The following CPNE7 variants were observed in gnomAD, a reference collection of about 807,000 sequenced individuals.
CPNE7 encodes copine-7.
CPNE7 carries 78 observed loss-of-function variants against 66.5 expected under a neutral mutation model. That is an observed-to-expected ratio of 1.17 (90% CI 0.98 to 1.42). The LOEUF (loss-of-function observed/expected upper bound fraction) is 1.42, where lower values mean the gene tolerates loss of function less well. Ranked by LOEUF, CPNE7 falls within the 40% of genes most tolerant of loss-of-function variation. The probability of loss-of-function intolerance (pLI) is 0.00; values close to 1 mark genes in which losing one functional copy is unlikely to be tolerated. For synonymous variants in CPNE7, 468 were observed against 336.7 expected (o/e 1.39, Z -4.27); for missense variants, 1,012 against 776.6 (o/e 1.30, Z -3.60).
chr16:89,586,244 G>C (rs991457071), intron 7 of CPNE7, among the ~76,000 whole-genome samples: 1 of 152,088 alleles, frequency 6.6e-6, no homozygotes, highest in Non-Finnish European at 1.5e-5. Flanking sequence ...GGCTCCTGAG[G>C]GGTCATAGCA....
chr16:89,585,985 G>T, intron 7 of CPNE7, among the ~76,000 whole-genome samples, 200 bp downstream of exon 7: 1 of 122,708 alleles, frequency 8.1e-6, no homozygotes, highest in African/African-American at 3.1e-5. Context: ...GGGGGCCTTT[G>T]GGGAGGTTCA....
intron 9 of CPNE7, chr16:89,587,616 C>T (rs1010260632): frequency 4.0e-5 from 18 of 453,362 alleles, no homozygotes; most frequent in East Asian, 2.1e-4. Flanking sequence ...ACAGTCTCTA[C>T]GTGTCATCCA....
Position 89,588,695 on chromosome 16 carries a change from C to G in CPNE7, c.948C>G (p.Ala316=), listed in dbSNP as rs758618482. The G allele has an allele frequency of 6.2e-7, 1 of 1,613,430 alleles. No homozygotes were observed. Residue 316 remains alanine, a synonymous_variant, in exon 10 of 15, where the codon GCC becomes GCG. Transcript: ENST00000319518. The part of the protein sequence containing the change: ...IHFTVAIDFT[A]SNGDPRNSCS... Reference sequence around the variant, plus strand: ...TGCAGGTGGCCATTGACTTCACCGCCTCCAATGGAGACCCGCGGAACAGCT... The same window carrying G: ...TGCAGGTGGCCATTGACTTCACCGCGTCCAATGGAGACCCGCGGAACAGCT...
intron 1 of CPNE7, 104 bp downstream of exon 1, chr16:89,576,175 G>A (rs2058855995): frequency 9.7e-7 from 1 of 1,035,646 alleles, no homozygotes; most frequent in East Asian, 3.3e-5. Flanking sequence ...TGGGGCGCAA[G>A]GCGGGGCCCC....
chr16:89,591,452 A>G (rs2059168046), intron 13 of CPNE7, among the ~76,000 whole-genome samples, 192 bp downstream of exon 13: 1 of 152,204 alleles, frequency 6.6e-6, no homozygotes. Context: ...TCTCGGGCAC[A>G]GGGCTGTCCA....
At chr16:89,585,586 G>C (rs369107761) in intron 6 of CPNE7, 33 bp downstream of exon 6, 23 of 1,590,630 alleles carry the variant, frequency 1.4e-5, no homozygotes, top group East Asian at 2.3e-5. Context: ...GGGGCAGTGA[G>C]GGGGTGGCCT....
chr16:89,593,846 C>T (rs972690607), intron 13 of CPNE7, among the ~76,000 whole-genome samples: 7 of 152,136 alleles, frequency 4.6e-5, no homozygotes, highest in African/African-American at 1.4e-4. Flanking sequence ...GGAGCCAGTC[C>T]GGAGTCGAGG....
rs201835948 is a variant in CPNE7, at chr16:89,583,726, G to A, written c.387G>A (p.Pro129=). The A allele has an allele frequency of 2.9e-5, 47 of 1,612,680 alleles. No individual in the cohort carries two copies. Among genetic ancestry groups the A allele is most frequent in the Admixed American group, 2.0e-4 (12 of 60,004 alleles). ...QIVAQKKVTR[P]LLLKFGRNAG... is the part of the protein sequence containing the mutation. ...TGGCCCAGAAGAAGGTGACCCGCCC[G>A]CTGCTGCTCAAGTTTGGCAGGAACG... is the stretch of plus-strand genomic sequence containing the variant. The change falls in exon 3 of 15, where the codon CCG becomes CCA. Residue 129 remains proline, a synonymous_variant. Transcript: ENST00000319518.
intron 10 of CPNE7, among the ~76,000 whole-genome samples, 174 bp downstream of exon 10, chr16:89,588,982 G>A (rs756273688): frequency 2.0e-5 from 3 of 152,162 alleles, no homozygotes; most frequent in African/African-American, 7.2e-5. Context: ...CCATGAGGTG[G>A]GCACTGTGAG....
chr16:89,596,596 A>C lies in CPNE7; in HGVS notation c.1652A>C (p.Glu551Ala). The change falls in exon 15 of 15, where the codon GAG becomes GCG. Residue 551 changes from glutamate (E) to alanine (A), a missense_variant. Glu to Ala is a moderately radical substitution (Grantham distance 107, BLOSUM62 -1). Transcript: ENST00000319518. ...AGAAGCCTGGGTGTCCCTGCCGGAG[A>C]GGCCAGCCCAGGCTGCACACCGTGA... ...PPRSLGVPAG[E>A]ASPGCTP 6.2e-7 allele frequency: 1 copy of C among 1,605,070 alleles called. No individual in the cohort carries two copies. Among genetic ancestry groups the C allele is most frequent in the Non-Finnish European group, 8.5e-7 (1 of 1,178,892 alleles).
Position 89,588,658 on chromosome 16 carries a change from C to T in CPNE7, c.928-17C>T. ...AGCCCCGGCCCAGCACAGCTCCTGG[C>T]TCCCGGCCCACTGCAGGTGGCCATT... On this transcript the variant is annotated splice_polypyrimidine_tract_variant and intron_variant, in intron 9 of 14. Transcript: ENST00000319518. 5 of 1,612,736 alleles carry T rather than the reference C, an allele frequency of 3.1e-6. No homozygotes were observed. The highest frequency in any genetic ancestry group is 4.2e-6 in the Non-Finnish European group (5 of 1,179,822).
Position 89,589,287 on chromosome 16 carries a change from G to A in CPNE7, c.1061+479G>A, listed in dbSNP as rs139193615. ...AGCCTGGGTGACAGAGCAAGACTCC[G>A]TCTCAAAAAAAAGAGACTCTGCGAG... On this transcript the variant is annotated intron_variant, in intron 10 of 14. Transcript: ENST00000319518. Among the ~76,000 whole-genome samples the A allele has an allele frequency of 3.7e-3, 566 of 152,196 alleles. 7 individuals are homozygous for A. Among genetic ancestry groups the A allele is most frequent in the African/African-American group, 0.012 (514 of 41,524 alleles).
chr16:89,594,774 C>T (rs2059227832), intron 13 of CPNE7, among the ~76,000 whole-genome samples: 1 of 151,188 alleles, frequency 6.6e-6, no homozygotes, highest in Non-Finnish European at 1.5e-5. Flanking sequence ...GCCTCAGCCT[C>T]CCGAATAGCT....
chr16:89,578,759 CAAA>C (rs35811163), intron 2 of CPNE7: 234,527 of 1,110,456 alleles, frequency 0.21, 560 homozygotes, highest in South Asian at 0.25. Flanking sequence ...GACTCTGTCT[CAAA>C]AAAAAAAAAA....
At chr16:89,579,139 G>T (rs890262913) in intron 2 of CPNE7, 3 of 549,570 alleles carry the variant, frequency 5.5e-6, no homozygotes, top group Admixed American at 3.8e-5. Context: ...AAATAGAAAA[G>T]AAATTAGCCA....
At chr16:89,580,492 CG>C (rs2058936800) in intron 2 of CPNE7, among the ~76,000 whole-genome samples, 1 of 116,042 alleles carries the variant, frequency 8.6e-6, no homozygotes, top group African/African-American at 3.0e-5. Context: ...TCCCGTCACC[CG>C]CTGACACAGA....
At chr16:89,583,343 C>T in intron 2 of CPNE7, 2 of 1,146,008 alleles carry the variant, frequency 1.7e-6, no homozygotes, top group Non-Finnish European at 2.6e-6. Context: ...CCCTGCTTAC[C>T]TGTGGAGGGG....
chr16:89,576,701 C>T (rs1468134618), intron 1 of CPNE7, among the ~76,000 whole-genome samples: 2 of 152,142 alleles, frequency 1.3e-5, no homozygotes, highest in African/African-American at 4.8e-5. Context: ...GGCGGAGGAG[C>T]CGGAACTCGA....
intron 2 of CPNE7, among the ~76,000 whole-genome samples, chr16:89,579,796 CGG>C: frequency 8.6e-6 from 1 of 115,764 alleles, no homozygotes; most frequent in Non-Finnish European, 1.9e-5. Flanking sequence ...CCCGCTGACA[CGG>C]AACATCTCAC....
Sources: allele counts gnomAD v4.1 joint callset (sites outside exome capture counted in the v4.1 genomes callset), GRCh38; gene constraint gnomAD v4.1.1; transcripts MANE v1.5; gene names NCBI Gene and HGNC (gene_info 2026-07-23, HGNC 2026-07-21).